CHD6: variants seen among roughly 807,000 people sequenced by gnomAD.
CHD6 encodes the protein ATP-dependent chromatin remodeler CHD6.
A neutral mutation model predicts 276.9 loss-of-function variants in CHD6; 50 were observed. That is an observed-to-expected ratio of 0.18 (90% CI 0.14 to 0.23). CHD6 has a LOEUF of 0.23. CHD6 is among the 10% of genes least tolerant of loss of function. CHD6 has a pLI of 1.00. For missense variants in CHD6, 2,564 were observed against 3,365.8 expected (o/e 0.76, Z 5.89); for synonymous variants, 1,173 against 1,229.3 (o/e 0.95, Z 0.96).
At chr20:41,522,314 C>A (rs189117735) in intron 3 of CHD6, among the ~76,000 whole-genome samples, 11 of 152,174 alleles carry the variant, frequency 7.2e-5, no homozygotes, top group Non-Finnish European at 1.3e-4. Context: ...CCACTGCACA[C>A]CAGCCTGGGT....
rs528525395 is a variant in CHD6 at position 41,509,802 on chromosome 20, G to A, written c.852+3044C>T. The stretch of plus-strand genomic sequence containing the variant: ...TTGACAAAGAATAAGAAAATAAAGA[G>A]TCACATTTAGGATGGAAACTTACTT... On this transcript the variant is annotated intron_variant, in intron 5 of 36. Transcript: ENST00000373233. Among the ~76,000 whole-genome samples the A allele has an allele frequency of 5.0e-3, 759 of 152,302 alleles. 4 individuals carry two copies. Among genetic ancestry groups the A allele is most frequent in the African/African-American group, 0.017 (715 of 41,574 alleles).
In CHD6 at chr20:41,451,060, TTCG is replaced by T; in HGVS notation, c.3566_3568del (p.Thr1189del). 6.2e-7 allele frequency: 1 copy of T among 1,614,074 alleles called. No homozygotes were observed. The highest frequency in any genetic ancestry group is 1.7e-5 in the Admixed American group (1 of 60,026). On this transcript the variant is annotated inframe_deletion, in exon 23 of 37. Transcript: ENST00000373233. ...TAGCTCTGGGATTAGCAACTGGTTC[TTCG>T]TCTTCTTCCCCTTCCTCCCTCTGGG...
intron 27 of CHD6, among the ~76,000 whole-genome samples, 167 bp from the exon 28 acceptor site, chr20:41,426,320 A>T (rs1279183865): frequency 6.6e-6 from 1 of 152,242 alleles, no homozygotes; most frequent in Non-Finnish European, 1.5e-5. Context: ...GTACAATCTT[A>T]AAAGAGCCAG....
intron 5 of CHD6, among the ~76,000 whole-genome samples, chr20:41,511,199 G>A (rs1029286486): frequency 6.6e-6 from 1 of 152,184 alleles, no homozygotes; most frequent in Non-Finnish European, 1.5e-5. Flanking sequence ...AGTACTATCA[G>A]TTTCCATAAG....
chr20:41,467,306 A>C (rs752455478), intron 17 of CHD6, among the ~76,000 whole-genome samples: 1 of 152,046 alleles, frequency 6.6e-6, no homozygotes, highest in South Asian at 2.1e-4. Flanking sequence ...AAAACATGAG[A>C]TAGAGAAAGA....
At chr20:41,488,329 A>G (rs1234871945) in intron 13 of CHD6, 99 bp downstream of exon 13, 1 of 1,104,828 alleles carries the variant, frequency 9.1e-7, no homozygotes, top group East Asian at 2.4e-5. Flanking sequence ...ATGTAAAACG[A>G]CTAGGCAGAA....
Position 41,484,554 on chromosome 20 carries a change from A to G in CHD6, c.2055T>C (p.Asp685=). The change falls in exon 15 of 37, where the codon GAT becomes GAC. Residue 685 remains aspartate (D), a synonymous_variant. Coordinates refer to ENST00000373233, the MANE Select transcript of CHD6 (RefSeq NM_032221.5). ...LKPMMLRRLK[D]DVEKNLAPKQ... ...TGGGAGCAAGGTTCTTTTCCACATC[A>G]TCTTTCAGCCGCCGAAGCATCATTG... 1 of 1,613,778 alleles carries G rather than the reference A, an allele frequency of 6.2e-7. No homozygotes were observed. Among genetic ancestry groups the G allele is most frequent in the Non-Finnish European group, 8.5e-7 (1 of 1,179,812 alleles).
At chr20:41,534,602 T>C (rs948484378) in intron 2 of CHD6, among the ~76,000 whole-genome samples, 1 of 152,018 alleles carries the variant, frequency 6.6e-6, no homozygotes, top group Non-Finnish European at 1.5e-5. Context: ...CAGATCTTTA[T>C]CATATCAATA....
intron 1 of CHD6, among the ~76,000 whole-genome samples, chr20:41,556,024 C>T (rs1315660481): frequency 3.9e-5 from 6 of 152,206 alleles, no homozygotes; most frequent in Admixed American, 6.5e-5. Flanking sequence ...CCGAGGCTGG[C>T]GGATCACTCG....
intron 3 of CHD6, among the ~76,000 whole-genome samples, chr20:41,519,005 G>C (rs2044318998): frequency 6.6e-6 from 1 of 152,212 alleles, no homozygotes; most frequent in Admixed American, 6.5e-5. Context: ...GGATAGGCCA[G>C]GTGTGGTGGC....
chr20:41,414,467 G>A (rs1187431508), intron 34 of CHD6: 4 of 164,944 alleles, frequency 2.4e-5, no homozygotes, highest in East Asian at 2.5e-4. Context: ...TATTATTATT[G>A]CTTTTAAAAT....
Position 41,493,731 on chromosome 20 carries a change from T to C in CHD6, c.1180-59A>G, listed in dbSNP as rs1471539281. The C allele has an allele frequency of 2.6e-5, 41 of 1,596,146 alleles. No individual in the cohort carries two copies. In the Admixed American group the frequency reaches 3.2e-4, roughly 13 times the overall value. On this transcript the variant is annotated intron_variant, in intron 9 of 36. Coordinates refer to ENST00000373233, the MANE Select transcript of CHD6 (RefSeq NM_032221.5). ...TATTAGGTTAAAGGAGTCAGTAGTA[T>C]CTGCCAACCTCTGAAAAACCACCCT...
At chr20:41,484,032 G>C (rs923409270) in intron 15 of CHD6, among the ~76,000 whole-genome samples, 1 of 152,186 alleles carries the variant, frequency 6.6e-6, no homozygotes, top group Non-Finnish European at 1.5e-5. Flanking sequence ...TCCCCAAGTA[G>C]AAAGTGTGGG....
chr20:41,470,515 G>C (rs764699308), intron 17 of CHD6, among the ~76,000 whole-genome samples: 6 of 152,180 alleles, frequency 3.9e-5, no homozygotes, highest in Non-Finnish European at 8.8e-5. Context: ...CTGAGCATTA[G>C]AGGAAGTTCA....
intron 28 of CHD6, 78 bp downstream of exon 28, chr20:41,426,015 T>C: frequency 9.4e-7 from 1 of 1,064,954 alleles, no homozygotes; most frequent in Middle Eastern, 2.0e-4. Context: ...AAACTACTTA[T>C]TAATTACATA....
At chr20:41,564,166 T>A (rs76629389) in intron 1 of CHD6, 6 of 718,302 alleles carry the variant, frequency 8.4e-6, no homozygotes, top group Admixed American at 6.4e-5. Context: ...AAACAAAAAG[T>A]TACTCTGTTA....
At chr20:41,492,735 A>G (rs1251104283) in intron 10 of CHD6, among the ~76,000 whole-genome samples, 1 of 152,242 alleles carries the variant, frequency 6.6e-6, no homozygotes, top group East Asian at 1.9e-4. Flanking sequence ...CGAGCTTAAC[A>G]TGGTGAAACA....
At chr20:41,602,594 C>T (rs1332124781) in intron 1 of CHD6, among the ~76,000 whole-genome samples, 15 of 152,218 alleles carry the variant, frequency 9.9e-5, no homozygotes, top group Admixed American at 9.8e-4. Flanking sequence ...TGTGCCTCTG[C>T]ACTGCTCCTC....
At chr20:41,590,211 A>G (rs1426951470) in intron 1 of CHD6, among the ~76,000 whole-genome samples, 1 of 152,206 alleles carries the variant, frequency 6.6e-6, no homozygotes, top group African/African-American at 2.4e-5. Flanking sequence ...ACAAATACGA[A>G]TTCAAGATGG....
Sources: gnomAD v4.1 joint callset for allele counts (sites outside exome capture counted in the v4.1 genomes callset) on GRCh38, gnomAD v4.1.1 for gene constraint, MANE v1.5 for transcripts, NCBI Gene and HGNC (gene_info 2026-07-23, HGNC 2026-07-21) for gene names.